Variants in PIK3CA observed in about 807,000 individuals in gnomAD.
The protein encoded by PIK3CA is phosphatidylinositol-4,5-bisphosphate 3-kinase catalytic subunit alpha, also known as phosphatidylinositol 4,5-bisphosphate 3-kinase catalytic subunit alpha isoform.
PIK3CA carries 27 observed loss-of-function variants against 138.2 expected under a neutral mutation model. The ratio of observed to expected loss-of-function variants is 0.20; its 90% CI spans 0.14 to 0.27. The LOEUF (loss-of-function observed/expected upper bound fraction) is 0.27. Ranked by LOEUF, PIK3CA falls within the 10% of genes least tolerant of loss-of-function variation. PIK3CA has a pLI of 1.00. For missense variants in PIK3CA, 544 were observed against 1,277.4 expected (o/e 0.43, Z 8.75); for synonymous variants, 358 against 413.2 (o/e 0.87, Z 1.62).
intron 1 of PIK3CA, among the ~76,000 whole-genome samples, chr3:179,152,252 A>G (rs1257583466): frequency 2.0e-5 from 3 of 152,204 alleles, no homozygotes; most frequent in Admixed American, 2.0e-4. Context: ...AGACATATAC[A>G]CACACACGCA....
At chr3:179,214,843 C>T (rs754309753) in intron 9 of PIK3CA, among the ~76,000 whole-genome samples, 6 of 152,022 alleles carry the variant, frequency 3.9e-5, no homozygotes, top group African/African-American at 7.3e-5. Context: ...CAGGAAAGAG[C>T]GTATGTAAGA....
chr3:179,158,168 A>G (rs531102545), intron 1 of PIK3CA, among the ~76,000 whole-genome samples: 1 of 152,232 alleles, frequency 6.6e-6, no homozygotes, highest in South Asian at 2.1e-4. Flanking sequence ...AGTTTAGAGT[A>G]GTTTTCAGTT....
Position 179,208,715 on chromosome 3 carries a change from A to G in PIK3CA, c.1146-880A>G, listed in dbSNP as rs1046150044. 7.9e-5 allele frequency among the ~76,000 whole-genome samples: 12 copies of G among 152,210 alleles called. No individual in the cohort carries two copies. The East Asian group carries it at 2.1e-3, about 27-fold the overall frequency. On this transcript the variant is annotated intron_variant, in intron 6 of 20. Transcript: ENST00000263967. ...TGAGGGAATTTATCATTAAAATTCA[A>G]ATAATTTTTTATCTTGTTCACTTTT...
At chr3:179,200,952 C>T (rs1174070923) in intron 3 of PIK3CA, among the ~76,000 whole-genome samples, 2 of 152,130 alleles carry the variant, frequency 1.3e-5, no homozygotes, top group Non-Finnish European at 2.9e-5. Flanking sequence ...TAGGCACTGT[C>T]AAACCTTTGA....
At chr3:179,184,220 T>C (rs1224022158) in intron 1 of PIK3CA, among the ~76,000 whole-genome samples, 1 of 152,224 alleles carries the variant, frequency 6.6e-6, no homozygotes, top group African/African-American at 2.4e-5. Flanking sequence ...CTCCTTAGCC[T>C]ATAAGTATTG....
chr3:179,201,016 G>A (rs1724396565), intron 3 of PIK3CA, among the ~76,000 whole-genome samples: 1 of 152,152 alleles, frequency 6.6e-6, no homozygotes, highest in South Asian at 2.1e-4. Flanking sequence ...ATGTCATACA[G>A]TTTAGAATGG....
chr3:179,184,233 A>G (rs980117029), intron 1 of PIK3CA, among the ~76,000 whole-genome samples: 43 of 152,380 alleles, frequency 2.8e-4, no homozygotes, highest in African/African-American at 1.0e-3. Context: ...AAGTATTGGC[A>G]GAATCACCAC....
chr3:179,225,088 G>A (rs1279038686), intron 16 of PIK3CA, among the ~76,000 whole-genome samples: 2 of 151,418 alleles, frequency 1.3e-5, no homozygotes, highest in Admixed American at 1.3e-4. Context: ...CCCCCCTCCC[G>A]TGGACCTGTG....
At chr3:179,152,616 C>T (rs895535168) in intron 1 of PIK3CA, among the ~76,000 whole-genome samples, 1 of 152,136 alleles carries the variant, frequency 6.6e-6, no homozygotes, top group Non-Finnish European at 1.5e-5. Context: ...AGTTCTTGCC[C>T]TGGATCAGGT....
At chr3:179,214,710 A>C (rs1478782627) in intron 9 of PIK3CA, among the ~76,000 whole-genome samples, 1 of 152,172 alleles carries the variant, frequency 6.6e-6, no homozygotes, top group Admixed American at 6.5e-5. Context: ...TTGGAAATGC[A>C]ATATCTGTGA....
At chr3:179,156,917 G>C (rs1560121791) in intron 1 of PIK3CA, among the ~76,000 whole-genome samples, 1 of 152,060 alleles carries the variant, frequency 6.6e-6, no homozygotes, top group Non-Finnish European at 1.5e-5. Context: ...TGACTGAACT[G>C]TATTTTTTTC....
rs1725386238 is a variant in PIK3CA, at chr3:179,239,016, T to C, written c.*4652T>C. 4.6e-6 allele frequency: 1 copy of C among 216,644 alleles called. No individual in the cohort carries two copies. Among genetic ancestry groups the C allele is most frequent in the African/African-American group, 2.3e-5 (1 of 44,278 alleles). 13.4% of individuals were successfully genotyped at this position (216,644 alleles called of 1,614,324 possible). On this transcript the variant is annotated 3_prime_UTR_variant, in exon 21 of 21. Transcript: ENST00000263967. ...TATGTTAATATTCCAGCCTTGCTAG[T>C]TAGCATAAAGTGACAGGTGTGAGCC...
In PIK3CA at chr3:179,220,203, T is replaced by G. The variant is rs1724934123; in HGVS notation, c.2015+151T>G. 2 of 758,908 alleles carry G rather than the reference T, an allele frequency of 2.6e-6. No individual in the cohort carries two copies. Among genetic ancestry groups the G allele is most frequent in the Non-Finnish European group, 3.8e-6 (2 of 527,062 alleles). The allele number at this position is 758,908 out of a possible 1,614,324, so 47.0% of individuals were successfully genotyped here. Reference sequence around the variant, plus strand: ...AAGTATTTTGTACCAGTGATGAGCTTCTCAACTTTTGCTCTTTGAAATTTA... The same window carrying G: ...AAGTATTTTGTACCAGTGATGAGCTGCTCAACTTTTGCTCTTTGAAATTTA... On this transcript the variant is annotated intron_variant, in intron 13 of 20. Coordinates refer to ENST00000263967, the MANE Select transcript of PIK3CA (RefSeq NM_006218.4). The surrounding 1 kb of genome is among the most constrained non-coding windows in gnomAD (Gnocchi z 4.1).
Position 179,201,434 on chromosome 3 carries a change from C to T in PIK3CA, c.707C>T (p.Ser236Phe), listed in dbSNP as rs2108389832. 6.2e-7 allele frequency: 1 copy of T among 1,613,756 alleles called. No homozygotes were observed. The highest frequency in any genetic ancestry group is 1.7e-5 in the Admixed American group (1 of 59,992). ...AAAACTCGAAGTATGTTGCTATCCTCTGAACAACTAAAACTCTGTGTTTTA... is the reference window on the plus strand; with the variant it reads ...AAAACTCGAAGTATGTTGCTATCCTTTGAACAACTAAAACTCTGTGTTTTA... ...RKKTRSMLLS[S>F]EQLKLCVLEY... Residue 236 changes from serine (S) to phenylalanine (F), a missense_variant, in exon 4 of 21, where the codon TCT (serine) becomes TTT (phenylalanine). Physicochemically the swap from Ser to Phe is radical, Grantham distance 155. Transcript: ENST00000263967.
At chr3:179,199,575 C>T in intron 2 of PIK3CA, 115 bp from the exon 3 acceptor site, 1 of 715,422 alleles carries the variant, frequency 1.4e-6, no homozygotes, top group Non-Finnish European at 2.2e-6. Flanking sequence ...CCTAGCGGTA[C>T]TTTTTTTACT....
chr3:179,155,905 G>T (rs537129003), intron 1 of PIK3CA, among the ~76,000 whole-genome samples: 2 of 152,248 alleles, frequency 1.3e-5, no homozygotes, highest in South Asian at 4.1e-4. Context: ...AGAAAACACG[G>T]TTTTTCCATT....
chr3:179,215,098 T>C (rs1290338601), intron 9 of PIK3CA, among the ~76,000 whole-genome samples: 1 of 152,172 alleles, frequency 6.6e-6, no homozygotes, highest in Admixed American at 6.5e-5. Context: ...CCTATCCCAT[T>C]AACAGTAACA....
chr3:179,170,071 C>CGTGT (rs1486796752), intron 1 of PIK3CA, among the ~76,000 whole-genome samples: 3 of 85,040 alleles, frequency 3.5e-5, no homozygotes, highest in Non-Finnish European at 8.1e-5. Flanking sequence ...TGCACACGCG[C>CGTGT]GCGCGCACAC....
intron 9 of PIK3CA, among the ~76,000 whole-genome samples, chr3:179,217,723 T>G (rs1218190598): frequency 1.3e-5 from 2 of 152,048 alleles, no homozygotes; most frequent in African/African-American, 2.4e-5. Flanking sequence ...TCTTCATTCT[T>G]TTTTTCTTAC....
Sources: allele counts gnomAD v4.1 joint callset (sites outside exome capture counted in the v4.1 genomes callset), GRCh38; gene constraint gnomAD v4.1.1; non-coding constraint Gnocchi (gnomAD v3.1); transcripts MANE v1.5; gene names NCBI Gene and HGNC (gene_info 2026-07-23, HGNC 2026-07-21).